The following DTNA variants were observed in gnomAD, a reference collection of about 807,000 sequenced individuals.
DTNA encodes the protein dystrobrevin alpha, also known as dystrophin-related protein 3.
In DTNA, 43 loss-of-function variants were observed where a neutral mutation model predicts 100.7. The ratio of observed to expected loss-of-function variants is 0.43; its 90% confidence interval spans 0.33 to 0.55. DTNA has a LOEUF of 0.55. DTNA is among the 20% of genes least tolerant of loss of function. The pLI is 0.04. For synonymous variants in DTNA, 349 were observed against 347.9 expected, an observed-to-expected ratio of 1.00 and a Z score of -0.04; for missense variants, 798 against 953.9, an observed-to-expected ratio of 0.84 and a Z score of 2.15.
At chr18:34,525,112 A>G (rs546588966) in intron 1 of DTNA, among the ~76,000 whole-genome samples, 2 of 152,280 alleles carry the variant, frequency 1.3e-5, no homozygotes, top group South Asian at 4.1e-4. Context: ...AGAAGTGATC[A>G]TTCATCTGGG....
intron 6 of DTNA, among the ~76,000 whole-genome samples, chr18:34,814,007 A>G (rs2095543483): frequency 6.6e-6 from 1 of 152,188 alleles, no homozygotes; most frequent in Non-Finnish European, 1.5e-5. Context: ...TATGGCTTGC[A>G]ACAACCCTGT....
intron 15 of DTNA, among the ~76,000 whole-genome samples, chr18:34,853,938 G>T (rs1030764498): frequency 6.6e-6 from 1 of 152,162 alleles, no homozygotes; most frequent in Non-Finnish European, 1.5e-5. Flanking sequence ...ATGAGCAAAG[G>T]CACTTTAAAA....
At chr18:34,677,511 C>T (rs751238240) in intron 1 of DTNA, among the ~76,000 whole-genome samples, 65 of 152,136 alleles carry the variant, frequency 4.3e-4, no homozygotes, top group Non-Finnish European at 6.8e-4. Context: ...AAGTTTATCT[C>T]ACTTTATTAT....
intron 1 of DTNA, among the ~76,000 whole-genome samples, chr18:34,521,077 A>G (rs1479922352): frequency 2.6e-5 from 4 of 152,194 alleles, no homozygotes; most frequent in African/African-American, 7.2e-5. Flanking sequence ...AGTCTCAACT[A>G]TAGACTTTTA....
chr18:34,813,685 T>G (rs890660633), intron 6 of DTNA, among the ~76,000 whole-genome samples: 2 of 151,896 alleles, frequency 1.3e-5, no homozygotes, highest in African/African-American at 4.8e-5. Context: ...AAACCCCGTC[T>G]CTACTAAAAA....
intron 1 of DTNA, among the ~76,000 whole-genome samples, chr18:34,735,007 TAGTC>T (rs915807691): frequency 6.6e-6 from 1 of 152,116 alleles, no homozygotes; most frequent in Non-Finnish European, 1.5e-5. Context: ...AAATCTGTAT[TAGTC>T]AGGGTTGTCT....
In DTNA at chr18:34,812,006, C is replaced by G. The variant is rs2095495862; in HGVS notation, c.496C>G (p.Arg166Gly). The change falls in exon 6 of 23, where the codon CGA (arginine) becomes GGA (glycine). Residue 166 changes from arginine to glycine, a missense_variant. By Grantham distance (125) the Arg-to-Gly change is moderately radical (BLOSUM62 -2). Around this residue, in one of 6 missense-constraint regions of DTNA, gnomAD observed 197 missense variants for 215.4 expected, o/e 0.91. Transcript: ENST00000444659. ...CTCCAGTGGGGTGATGGTTTATGGA[C>G]GATATGACCAATTCCTTCGGGAAGT... ...SDSSGVMVYGRYDQFLREVLK... is the reference protein window; with the variant it reads ...SDSSGVMVYGGYDQFLREVLK... 1.2e-6 allele frequency: 2 copies of G among 1,613,994 alleles called. No individual in the cohort carries two copies. Among genetic ancestry groups the G allele is most frequent in the African/African-American group, 2.7e-5 (2 of 74,982 alleles).
chr18:34,847,991 A>G (rs965686645), intron 13 of DTNA, among the ~76,000 whole-genome samples: 2 of 152,204 alleles, frequency 1.3e-5, no homozygotes, highest in African/African-American at 4.8e-5. Flanking sequence ...AAAAATGTTA[A>G]AGGCAATAAA....
chr18:34,697,755 C>T (rs541816754), intron 1 of DTNA, among the ~76,000 whole-genome samples: 7 of 152,046 alleles, frequency 4.6e-5, no homozygotes, highest in East Asian at 1.9e-4. Context: ...GAGGATAGGC[C>T]GATTCTTCCT....
At chr18:34,856,385 T>C (rs2096552906) in intron 15 of DTNA, among the ~76,000 whole-genome samples, 1 of 152,246 alleles carries the variant, frequency 6.6e-6, no homozygotes, top group South Asian at 2.1e-4. Flanking sequence ...TTTCATTTAA[T>C]GACTCTGTCT....
intron 1 of DTNA, among the ~76,000 whole-genome samples, chr18:34,713,145 A>T (rs77972775): frequency 0.015 from 2,235 of 152,210 alleles, 60 homozygotes; most frequent in African/African-American, 0.051. Flanking sequence ...AAGTAATGGT[A>T]CCATGATCAT....
chr18:34,529,489 T>G (rs2042946005), intron 1 of DTNA, among the ~76,000 whole-genome samples: 1 of 152,074 alleles, frequency 6.6e-6, no homozygotes, highest in African/African-American at 2.4e-5. Context: ...GCCTCAAGAT[T>G]TCCAGCACCC....
At chr18:34,705,922 C>G (rs1392501378), upstream of DTNA, among the ~76,000 whole-genome samples, 1 of 152,068 alleles carries the variant, frequency 6.6e-6, no homozygotes, top group East Asian at 1.9e-4. Context: ...GTCTGTCTTT[C>G]AGTGAAAAGG....
intron 1 of DTNA, among the ~76,000 whole-genome samples, chr18:34,751,976 C>G (rs2148083114): frequency 1.3e-5 from 2 of 152,272 alleles, no homozygotes; most frequent in East Asian, 3.9e-4. Flanking sequence ...AACATATGTC[C>G]TGTATAATTT....
chr18:34,887,822 G>A lies in DTNA; in HGVS notation c.*88G>A. ...ACATGAAAACTGGTGATGATGGAGA[G>A]CCCTGTGGCCACACAGAGGAGGAAG... On this transcript the variant is annotated 3_prime_UTR_variant, in exon 23 of 23. Coordinates refer to ENST00000444659, the MANE Select transcript of DTNA (RefSeq NM_001386795.1). 2.0e-6 allele frequency: 2 copies of A among 985,930 alleles called. No individual in the cohort carries two copies. The highest frequency in any genetic ancestry group is 2.4e-6 in the Non-Finnish European group (2 of 829,982). 61.1% of individuals were successfully genotyped at this position (985,930 alleles called of 1,614,324 possible).
chr18:34,821,385 G>C (rs2095713071), intron 9 of DTNA: 4 of 451,980 alleles, frequency 8.8e-6, no homozygotes, highest in South Asian at 6.3e-5. Context: ...TATAACTTTA[G>C]AAGAATCATA....
upstream of DTNA, among the ~76,000 whole-genome samples, chr18:34,705,444 C>A (rs755334682): frequency 2.6e-5 from 4 of 152,118 alleles, no homozygotes; most frequent in Non-Finnish European, 4.4e-5. Flanking sequence ...AGATGAGTTG[C>A]CATTTAGAAT....
chr18:34,783,963 A>C (rs1436130097), intron 3 of DTNA, among the ~76,000 whole-genome samples: 1 of 152,194 alleles, frequency 6.6e-6, no homozygotes, highest in Non-Finnish European at 1.5e-5. Flanking sequence ...GAGCATCTCT[A>C]TTCTTCCTGT....
intron 1 of DTNA, among the ~76,000 whole-genome samples, chr18:34,731,488 A>C (rs2147328316): frequency 1.3e-5 from 2 of 151,714 alleles, no homozygotes; most frequent in African/African-American, 4.8e-5. Flanking sequence ...TCCGTCTCAA[A>C]AAAAAAAAAA....
Sources: allele counts gnomAD v4.1 joint callset (sites outside exome capture counted in the v4.1 genomes callset), GRCh38; gene constraint gnomAD v4.1.1; regional missense constraint gnomAD v4.1.1; transcripts MANE v1.5; gene names NCBI Gene and HGNC (gene_info 2026-07-23, HGNC 2026-07-21).